Variants in EDIL3 observed in about 807,000 individuals in gnomAD.
EDIL3 encodes the protein EGF-like repeat and discoidin I-like domain-containing protein 3.
Under a neutral mutation model 67.4 loss-of-function variants are expected in EDIL3, and 37 were observed. That is an observed-to-expected ratio of 0.55 (90% CI 0.42 to 0.72). The LOEUF (loss-of-function observed/expected upper bound fraction) is 0.72. Among genes scored for constraint, EDIL3 ranks in the 30% least tolerant of loss-of-function variants. The probability of loss-of-function intolerance (pLI) is 0.00; values close to 1 mark genes in which losing one functional copy is unlikely to be tolerated. For missense variants in EDIL3, 527 were observed against 586.3 expected (o/e 0.90, Z 1.04); for synonymous variants, 195 against 196.3 (o/e 0.99, Z 0.05).
chr5:84,163,395 T>C (rs1440067016), intron 4 of EDIL3, among the ~76,000 whole-genome samples: 1 of 152,114 alleles, frequency 6.6e-6, no homozygotes, highest in Non-Finnish European at 1.5e-5. Context: ...CTGAAATACG[T>C]TATATTCCTA....
intron 9 of EDIL3, among the ~76,000 whole-genome samples, chr5:83,979,296 TCC>T (rs1431496852): frequency 3.9e-5 from 6 of 152,046 alleles, no homozygotes. Context: ...CAAGAATAAC[TCC>T]CAGGCACTGC....
chr5:84,197,529 C>T (rs186611746), intron 3 of EDIL3, among the ~76,000 whole-genome samples: 3 of 151,914 alleles, frequency 2.0e-5, no homozygotes, highest in Admixed American at 6.6e-5. Flanking sequence ...CGTGGTGGCA[C>T]GCGCCTGTAT....
rs148876701 is a variant in EDIL3 at position 84,136,552 on chromosome 5, T to G, written c.469+689A>C. Among the ~76,000 whole-genome samples the G allele has an allele frequency of 5.8e-3, 890 of 152,258 alleles. 12 individuals are homozygous for G. Among genetic ancestry groups the G allele is most frequent in the African/African-American group, 0.02 (849 of 41,540 alleles). ...GGCAAATAACTGCCCTGTCATTTGA[T>G]GCATCATTTCAAGACCCTACTTTCT... On this transcript the variant is annotated intron_variant, in intron 5 of 10. Coordinates refer to ENST00000296591, the MANE Select transcript of EDIL3 (RefSeq NM_005711.5).
intron 6 of EDIL3, among the ~76,000 whole-genome samples, chr5:84,102,510 T>TA (rs1438103892): frequency 6.6e-6 from 1 of 150,534 alleles, no homozygotes; most frequent in Non-Finnish European, 1.5e-5. Context: ...AGTCTCAAGG[T>TA]AAAAAATCAA....
intron 3 of EDIL3, among the ~76,000 whole-genome samples, chr5:84,209,758 C>T (rs527349345): frequency 5.5e-4 from 84 of 152,234 alleles, no homozygotes; most frequent in Middle Eastern, 3.4e-3. Context: ...CAGAGACACA[C>T]GAATTTATTG....
intron 3 of EDIL3, among the ~76,000 whole-genome samples, chr5:84,223,724 T>C (rs890939642): frequency 6.6e-6 from 1 of 151,368 alleles, no homozygotes; most frequent in Non-Finnish European, 1.5e-5. Context: ...GGCAATAATA[T>C]TGTATTACGT....
intron 9 of EDIL3, among the ~76,000 whole-genome samples, chr5:84,053,571 T>C (rs1407921552): frequency 1.3e-5 from 2 of 151,630 alleles, no homozygotes; most frequent in African/African-American, 4.9e-5. Flanking sequence ...GCAAGACTAA[T>C]AAAGAAGAAA....
chr5:84,223,832 G>C (rs754852679), intron 3 of EDIL3, among the ~76,000 whole-genome samples: 14 of 150,938 alleles, frequency 9.3e-5, no homozygotes, highest in Admixed American at 2.0e-4. Flanking sequence ...TCTGACTATA[G>C]TAATCATTTT....
intron 1 of EDIL3, among the ~76,000 whole-genome samples, chr5:84,271,095 A>C (rs1440584781): frequency 6.6e-6 from 1 of 152,214 alleles, no homozygotes; most frequent in Non-Finnish European, 1.5e-5. Context: ...AGACTTTCTA[A>C]AAGAAGAGAA....
chr5:84,214,182 T>C (rs1333991775), intron 3 of EDIL3, among the ~76,000 whole-genome samples: 3 of 152,188 alleles, frequency 2.0e-5, no homozygotes, highest in Non-Finnish European at 4.4e-5. Context: ...CTGAAAGAAT[T>C]ACTAAGCAAA....
At chr5:83,994,369 A>T (rs1035914849) in intron 9 of EDIL3, among the ~76,000 whole-genome samples, 1 of 123,158 alleles carries the variant, frequency 8.1e-6, no homozygotes, top group Admixed American at 9.1e-5. Flanking sequence ...AATGGGAACA[A>T]TTTCACAAGG....
chr5:84,312,619 C>A (rs554072634), intron 1 of EDIL3, among the ~76,000 whole-genome samples: 29 of 148,724 alleles, frequency 1.9e-4, no homozygotes, highest in Non-Finnish European at 1.0e-4. Context: ...CTGACCCCCC[C>A]ACCTCCTTCC....
chr5:84,067,998 T>G (rs1746673755), intron 6 of EDIL3, among the ~76,000 whole-genome samples: 1 of 152,232 alleles, frequency 6.6e-6, no homozygotes, highest in Admixed American at 6.5e-5. Flanking sequence ...ACATTTTAAG[T>G]CCCATTCCTC....
intron 9 of EDIL3, among the ~76,000 whole-genome samples, chr5:83,974,507 C>T (rs554907671): frequency 1.3e-5 from 2 of 152,024 alleles, no homozygotes; most frequent in African/African-American, 4.8e-5. Flanking sequence ...GTTCAAAGAT[C>T]AGAGTATACA....
chr5:84,159,958 C>T (rs138104198), intron 4 of EDIL3, among the ~76,000 whole-genome samples: 164 of 152,138 alleles, frequency 1.1e-3, no homozygotes, highest in African/African-American at 3.9e-3. Flanking sequence ...AGAATAAATG[C>T]TAGCTATTTT....
intron 6 of EDIL3, among the ~76,000 whole-genome samples, chr5:84,106,370 G>A (rs1747460471): frequency 6.6e-6 from 1 of 152,064 alleles, no homozygotes; most frequent in Non-Finnish European, 1.5e-5. Flanking sequence ...TGAACACACA[G>A]TATACAGAAA....
intron 1 of EDIL3, among the ~76,000 whole-genome samples, chr5:84,284,419 A>G (rs1745769384): frequency 6.6e-6 from 1 of 151,904 alleles, no homozygotes; most frequent in Non-Finnish European, 1.5e-5. Flanking sequence ...TGTCCTATTT[A>G]CTGGTCCCCT....
At chr5:84,069,616 C>A (rs772605982) in intron 6 of EDIL3, among the ~76,000 whole-genome samples, 7 of 151,868 alleles carry the variant, frequency 4.6e-5, no homozygotes, top group Non-Finnish European at 1.0e-4. Flanking sequence ...TGCCTTTAAC[C>A]ACTCAATGCC....
At chr5:84,292,331 T>A (rs1021224060) in intron 1 of EDIL3, among the ~76,000 whole-genome samples, 4 of 152,156 alleles carry the variant, frequency 2.6e-5, no homozygotes, top group African/African-American at 9.7e-5. Flanking sequence ...AATTTAGAGG[T>A]TGTTTTCTGA....
Sources: allele counts gnomAD v4.1 joint callset (sites outside exome capture counted in the v4.1 genomes callset), GRCh38; gene constraint gnomAD v4.1.1; transcripts MANE v1.5; gene names NCBI Gene and HGNC (gene_info 2026-07-23, HGNC 2026-07-21).